The following DLG2 variants were observed in gnomAD, a reference collection of about 807,000 sequenced individuals.
DLG2 encodes the protein discs large MAGUK scaffold protein 2, also known as disks large homolog 2.
DLG2 carries 45 observed loss-of-function variants against 132.5 expected under a neutral mutation model. That is an observed-to-expected ratio of 0.34 (90% CI 0.27 to 0.44). DLG2 has a LOEUF of 0.44. DLG2 is among the 20% of genes least tolerant of loss of function. The probability of loss-of-function intolerance (pLI) is 1.00; values close to 1 mark genes in which losing one functional copy is unlikely to be tolerated. For synonymous variants in DLG2, 424 were observed against 419.6 expected (o/e 1.01, Z -0.13); for missense variants, 1,045 against 1,196.9 (o/e 0.87, Z 1.87).
chr11:84,914,085 G>C (rs1330919078), intron 6 of DLG2, among the ~76,000 whole-genome samples: 1 of 152,166 alleles, frequency 6.6e-6, no homozygotes, highest in African/African-American at 2.4e-5. Flanking sequence ...CCTTTTTAAA[G>C]TTGTAAATCT....
intron 5 of DLG2, among the ~76,000 whole-genome samples, chr11:85,127,974 T>G (rs1370107790): frequency 6.6e-6 from 1 of 152,208 alleles, no homozygotes; most frequent in Admixed American, 6.5e-5. Flanking sequence ...TGAGTGATTT[T>G]TAATTCTTAT....
rs2056499254 is a variant in DLG2, at chr11:83,837,456, G to A, written c.1566-3686C>T. Among the ~76,000 whole-genome samples the A allele has an allele frequency of 3.9e-5, 6 of 152,120 alleles. No individual in the cohort carries two copies. In the South Asian group the frequency reaches 1.0e-3, roughly 26 times the overall value. On this transcript the variant is annotated intron_variant, in intron 16 of 27. Transcript: ENST00000376104. The stretch of plus-strand genomic sequence containing the variant: ...AGAAGTGTAAGGCCATCTTAGAGTT[G>A]CCTCTCCTGGCTGCCGCTGGTAGAG...
intron 6 of DLG2, among the ~76,000 whole-genome samples, chr11:84,861,875 T>C (rs1007001749): frequency 6.6e-6 from 1 of 152,022 alleles, no homozygotes; most frequent in Non-Finnish European, 1.5e-5. Flanking sequence ...ATCGAGTTCA[T>C]GTCCTTTGTA....
intron 6 of DLG2, among the ~76,000 whole-genome samples, chr11:85,081,254 G>A (rs562215433): frequency 6.6e-5 from 10 of 152,238 alleles, no homozygotes; most frequent in South Asian, 2.1e-4. Flanking sequence ...TAGTGTGTCC[G>A]GCATCATGAG....
At chr11:83,951,565 T>C (rs1343468453) in intron 14 of DLG2, among the ~76,000 whole-genome samples, 2 of 152,138 alleles carry the variant, frequency 1.3e-5, no homozygotes, top group Middle Eastern at 3.4e-3. Context: ...CATGTGGACA[T>C]GTGGATGTGG....
At chr11:85,062,674 T>G (rs553174286) in intron 6 of DLG2, among the ~76,000 whole-genome samples, 30 of 151,764 alleles carry the variant, frequency 2.0e-4, no homozygotes, top group African/African-American at 7.2e-4. Context: ...AGAGATCTAG[T>G]AAGATAATAG....
chr11:84,545,266 A>C (rs1039101391), intron 6 of DLG2: 2 of 495,372 alleles, frequency 4.0e-6, no homozygotes, highest in Admixed American at 4.1e-5. Flanking sequence ...TTCTCTCCTC[A>C]TGGGTCCAAA....
At chr11:84,579,077 C>T (rs540815273) in intron 6 of DLG2, among the ~76,000 whole-genome samples, 81 of 152,178 alleles carry the variant, frequency 5.3e-4, no homozygotes, top group African/African-American at 1.7e-3. Context: ...ATTCTGAGGC[C>T]TCCTCAGCCA....
At chr11:84,793,254 T>C (rs994043366) in intron 6 of DLG2, among the ~76,000 whole-genome samples, 4 of 152,226 alleles carry the variant, frequency 2.6e-5, no homozygotes, top group Non-Finnish European at 4.4e-5. Flanking sequence ...TTTGTTTTCA[T>C]TGTAATCAGA....
At chr11:84,441,211 A>T (rs1167193034) in intron 7 of DLG2, among the ~76,000 whole-genome samples, 1 of 151,902 alleles carries the variant, frequency 6.6e-6, no homozygotes, top group Non-Finnish European at 1.5e-5. Flanking sequence ...CAGTGTTACG[A>T]TCATAGCTCA....
intron 15 of DLG2, among the ~76,000 whole-genome samples, chr11:83,882,711 A>G (rs887307910): frequency 1.2e-4 from 18 of 152,228 alleles, no homozygotes; most frequent in Admixed American, 1.3e-4. Context: ...TTTTAAATAA[A>G]TGAAATGTTT....
chr11:84,769,182 T>C (rs1565912460), intron 6 of DLG2, among the ~76,000 whole-genome samples: 1 of 152,034 alleles, frequency 6.6e-6, no homozygotes, highest in African/African-American at 2.4e-5. Flanking sequence ...ATTCGAAGCA[T>C]GTATTTCAAG....
intron 8 of DLG2, among the ~76,000 whole-genome samples, chr11:84,167,554 T>C (rs56738341): frequency 0.013 from 2,004 of 152,326 alleles, 40 homozygotes; most frequent in African/African-American, 0.045. Flanking sequence ...CTATCCATAT[T>C]TTAATGTTGT....
intron 7 of DLG2, among the ~76,000 whole-genome samples, chr11:84,477,592 T>A (rs920510598): frequency 6.6e-6 from 1 of 151,940 alleles, no homozygotes; most frequent in Non-Finnish European, 1.5e-5. Flanking sequence ...TAACTCAGAG[T>A]AAAGTACTGA....
chr11:84,134,989 G>A (rs527276900), intron 9 of DLG2, among the ~76,000 whole-genome samples: 1 of 151,878 alleles, frequency 6.6e-6, no homozygotes, highest in African/African-American at 2.4e-5. Context: ...TTCTGTTTGG[G>A]TGACTAAAGT....
At chr11:85,447,877 A>G (rs1315956395) in intron 3 of DLG2, among the ~76,000 whole-genome samples, 2 of 152,308 alleles carry the variant, frequency 1.3e-5, no homozygotes, top group East Asian at 3.9e-4. Context: ...TAGACAGAAA[A>G]GGCAATTGTT....
intron 6 of DLG2, among the ~76,000 whole-genome samples, chr11:84,743,310 A>C (rs1207157067): frequency 6.6e-6 from 1 of 152,170 alleles, no homozygotes; most frequent in Non-Finnish European, 1.5e-5. Context: ...GATACTAAAA[A>C]TCAAGAAGTT....
At position 84,656,404 on chromosome 11, in the gene DLG2, T is replaced by C. The variant is rs77373239; in HGVS notation, c.358-121673A>G. On this transcript the variant is annotated intron_variant, in intron 6 of 27. Transcript: ENST00000376104. Reference sequence around the variant, plus strand: ...AAGGCTACTCAGTATATTAAAAATGTGAATCAGCAAAACAATATAATACAC... The same window carrying C: ...AAGGCTACTCAGTATATTAAAAATGCGAATCAGCAAAACAATATAATACAC... Among the ~76,000 whole-genome samples the C allele has an allele frequency of 1.6e-3, 236 of 152,244 alleles. 2 individuals carry two copies. The highest frequency in any genetic ancestry group is 5.4e-3 in the African/African-American group (226 of 41,564).
At chr11:84,793,996 C>A (rs1213869569) in intron 6 of DLG2, among the ~76,000 whole-genome samples, 1 of 151,938 alleles carries the variant, frequency 6.6e-6, no homozygotes, top group East Asian at 1.9e-4. Flanking sequence ...TTTCTGCCTT[C>A]CTTGTAGTGA....
Sources: allele counts gnomAD v4.1 joint callset (sites outside exome capture counted in the v4.1 genomes callset), GRCh38; gene constraint gnomAD v4.1.1; transcripts MANE v1.5; gene names NCBI Gene and HGNC (gene_info 2026-07-23, HGNC 2026-07-21).